SLC25A26: variants seen among roughly 807,000 people sequenced by gnomAD.
SLC25A26 encodes solute carrier family 25 member 26.
A neutral mutation model predicts 37.8 loss-of-function variants in SLC25A26; 36 were observed. The ratio of observed to expected loss-of-function variants is 0.95; its 90% confidence interval spans 0.73 to 1.26. The LOEUF (loss-of-function observed/expected upper bound fraction) is 1.26, where lower values mean the gene tolerates loss of function less well. Among genes scored for constraint, SLC25A26 ranks in the 50% most tolerant of loss-of-function variants. SLC25A26 has a pLI of 0.00. For missense variants in SLC25A26, 390 were observed against 331.1 expected (o/e 1.18, Z -1.38); for synonymous variants, 129 against 122.5 (o/e 1.05, Z -0.35).
chr3:66,293,172 C>T (rs1369620956), intron 5 of SLC25A26: 3 of 152,180 alleles, frequency 2.0e-5, no homozygotes, highest in Non-Finnish European at 4.4e-5. Flanking sequence ...CCATGCTAAT[C>T]TTCTCTGTAT....
At chr3:66,304,443 A>G (rs748557848) in intron 5 of SLC25A26, 25 of 455,900 alleles carry the variant, frequency 5.5e-5, no homozygotes, top group South Asian at 3.6e-4. Flanking sequence ...TTTTTCTTCT[A>G]TTTTTGCAGG....
chr3:66,290,507 G>T (rs892305244), intron 5 of SLC25A26, among the ~76,000 whole-genome samples: 12 of 152,172 alleles, frequency 7.9e-5, no homozygotes, highest in African/African-American at 2.9e-4. Flanking sequence ...CTGGTTTATT[G>T]AGAGTTTTTA....
chr3:66,214,269 C>T (rs895107707), intron 1 of SLC25A26, among the ~76,000 whole-genome samples: 3 of 152,144 alleles, frequency 2.0e-5, no homozygotes, highest in Non-Finnish European at 4.4e-5. Context: ...CCCCACCCCA[C>T]CTTCTGCCAT....
chr3:66,185,167 T>A (rs1410160082), intron 1 of SLC25A26, among the ~76,000 whole-genome samples: 1 of 152,194 alleles, frequency 6.6e-6, no homozygotes, highest in Non-Finnish European at 1.5e-5. Context: ...TCTGTCTCTA[T>A]AATTTTGAGT....
At chr3:66,208,870 G>A (rs1469544436) in intron 1 of SLC25A26, among the ~76,000 whole-genome samples, 6 of 55,882 alleles carry the variant, frequency 1.1e-4, no homozygotes, top group Admixed American at 4.1e-4. Context: ...ATGGGTGTGT[G>A]TATATATATA....
At chr3:66,183,790 C>T (rs141606447) in intron 1 of SLC25A26, among the ~76,000 whole-genome samples, 291 of 152,158 alleles carry the variant, frequency 1.9e-3, no homozygotes, top group African/African-American at 6.5e-3. Context: ...TAAATAAGCA[C>T]CTGACCCTGA....
chr3:66,240,099 T>G (rs890079312), intron 2 of SLC25A26, among the ~76,000 whole-genome samples: 8 of 152,148 alleles, frequency 5.3e-5, no homozygotes, highest in Admixed American at 6.5e-5. Context: ...GAGAGATCCT[T>G]TTGCTCTGTG....
chr3:66,237,494 C>T (rs996960950), intron 2 of SLC25A26, among the ~76,000 whole-genome samples: 1 of 152,216 alleles, frequency 6.6e-6, no homozygotes, highest in Non-Finnish European at 1.5e-5. Flanking sequence ...GCAGGTGAAC[C>T]TAAGAGGCAT....
intron 1 of SLC25A26, among the ~76,000 whole-genome samples, chr3:66,194,002 A>G (rs1293699928): frequency 6.6e-6 from 1 of 152,230 alleles, no homozygotes; most frequent in East Asian, 1.9e-4. Flanking sequence ...AAAATTCTTC[A>G]TGATGTAACC....
intron 1 of SLC25A26, among the ~76,000 whole-genome samples, chr3:66,159,126 G>A (rs981086383): frequency 6.6e-6 from 1 of 152,154 alleles, no homozygotes; most frequent in Non-Finnish European, 1.5e-5. Context: ...AACACGGTGG[G>A]CCCGTGTCCT....
intron 7 of SLC25A26, among the ~76,000 whole-genome samples, chr3:66,365,929 A>C (rs967643778): frequency 1.3e-5 from 2 of 152,154 alleles, no homozygotes; most frequent in Non-Finnish European, 2.9e-5. Flanking sequence ...GCACTTCCCC[A>C]CTGCTGCCCC....
At position 66,325,105 on chromosome 3, in the gene SLC25A26, T is replaced by C. The variant is rs2075803307; in HGVS notation, c.454-21259T>C. Among the ~76,000 whole-genome samples the C allele has an allele frequency of 1.3e-5, 2 of 152,194 alleles. 1 individual carries two copies. The highest frequency in any genetic ancestry group is 4.1e-4 in the South Asian group (2 of 4,834). ...TGGAGGATTGACAACCCTTGCCTTA[T>C]CTTGGTCTCCTTCAATGTTTCCACA... On this transcript the variant is annotated intron_variant, in intron 5 of 9. Transcript: ENST00000354883.
chr3:66,358,755 G>A (rs2076632576), intron 6 of SLC25A26, among the ~76,000 whole-genome samples: 1 of 152,152 alleles, frequency 6.6e-6, no homozygotes, highest in African/African-American at 2.4e-5. Context: ...GCCTCCCAAA[G>A]TGCTAGAATT....
In SLC25A26 at chr3:66,221,147, G is replaced by A; in HGVS notation, c.33+20G>A. 1 of 1,510,638 alleles carries A rather than the reference G, an allele frequency of 6.6e-7. No individual in the cohort carries two copies. The allele number at this position is 1,510,638 out of a possible 1,614,324, so 93.6% of individuals were successfully genotyped here. ...CTGGTGGTGAGTGCGGGGCGGTGGG[G>A]TGGGTTGCTCAGAGTGCCGGCGTCC... On this transcript the variant is annotated intron_variant, in intron 1 of 9. Transcript: ENST00000354883.
At chr3:66,322,114 GC>G (rs2075711263) in intron 5 of SLC25A26, among the ~76,000 whole-genome samples, 1 of 152,098 alleles carries the variant, frequency 6.6e-6, no homozygotes, top group African/African-American at 2.4e-5. Flanking sequence ...TAGCAAATTT[GC>G]TTTAAAATGC....
At chr3:66,304,393 G>C (rs575681693) in intron 5 of SLC25A26, 4 of 455,192 alleles carry the variant, frequency 8.8e-6, no homozygotes, top group African/African-American at 8.0e-5. Flanking sequence ...TCCCTTTTCT[G>C]TTCAGTTTCA....
At chr3:66,325,202 C>CA (rs1440534775) in intron 5 of SLC25A26, among the ~76,000 whole-genome samples, 4 of 152,076 alleles carry the variant, frequency 2.6e-5, no homozygotes, top group Admixed American at 2.6e-4. Flanking sequence ...GGCATATATT[C>CA]AGTGAAAAAT....
In SLC25A26 at chr3:66,378,689, A is replaced by C. The variant is rs1302988602; in HGVS notation, c.*882A>C. ...CTAGCAGTGTTGTCTGCCCTGGAGC[A>C]AACAAACAGTATGTGATTTTGCTTC... On this transcript the variant is annotated 3_prime_UTR_variant, in exon 10 of 10. Transcript: ENST00000354883. 6.6e-6 allele frequency: 1 copy of C among 152,554 alleles called. No individual in the cohort carries two copies. Among genetic ancestry groups the C allele is most frequent in the Non-Finnish European group, 1.5e-5 (1 of 68,034 alleles). 9.5% of individuals were successfully genotyped at this position (152,554 alleles called of 1,614,324 possible).
intron 1 of SLC25A26, among the ~76,000 whole-genome samples, chr3:66,164,853 T>C (rs1258931644): frequency 6.6e-6 from 1 of 152,168 alleles, no homozygotes; most frequent in East Asian, 1.9e-4. Context: ...TGGTGGTAAC[T>C]GGATCTGCCA....
Sources: gnomAD v4.1 joint callset for allele counts (sites outside exome capture counted in the v4.1 genomes callset) on GRCh38, gnomAD v4.1.1 for gene constraint, MANE v1.5 for transcripts, NCBI Gene and HGNC (gene_info 2026-07-23, HGNC 2026-07-21) for gene names.